DCHS2: variants seen among roughly 807,000 people sequenced by gnomAD.
DCHS2 encodes the protein protocadherin-23.
A neutral mutation model predicts 182.4 loss-of-function variants in DCHS2; 142 were observed. That is an observed-to-expected ratio of 0.78 (90% CI 0.68 to 0.89). DCHS2 has a LOEUF of 0.89. Among genes scored for constraint, DCHS2 ranks in the 40% least tolerant of loss-of-function variants. DCHS2 has a pLI of 0.00. For missense variants in DCHS2, 4,319 were observed against 4,198.6 expected, an observed-to-expected ratio of 1.03 and a Z score of -0.79; for synonymous variants, 1,740 against 1,663.3, an observed-to-expected ratio of 1.05 and a Z score of -1.12.
At chr4:154,433,724 T>G (rs980566556) in intron 1 of DCHS2, among the ~76,000 whole-genome samples, 69 of 152,254 alleles carry the variant, frequency 4.5e-4, no homozygotes, top group African/African-American at 1.6e-3. Context: ...ACTCAGTTTG[T>G]GATAATTTGT....
intron 1 of DCHS2, among the ~76,000 whole-genome samples, chr4:154,442,925 T>C (rs571359625): frequency 4.2e-4 from 64 of 152,112 alleles, no homozygotes; most frequent in African/African-American, 1.3e-3. Flanking sequence ...CTCCCAGTCC[T>C]CCTCAGACAC....
intron 3 of DCHS2, among the ~76,000 whole-genome samples, chr4:154,365,463 A>C (rs1174855891): frequency 6.6e-6 from 1 of 151,962 alleles, no homozygotes. Context: ...AGATATTATC[A>C]GTGTTACTTT....
In DCHS2 at chr4:154,462,569, A is replaced by G. The variant is rs1300075716; in HGVS notation, c.2052+26735T>C. Among the ~76,000 whole-genome samples, 6 of 152,194 alleles carry G rather than the reference A, an allele frequency of 3.9e-5. No individual in the cohort carries two copies. In the South Asian group the frequency reaches 1.2e-3, roughly 32 times the overall value. ...AGTTGGAAATGGTTAAATTTCCCAT[A>G]CAAGGTCTTACAGCTATTAAGTGAT... On this transcript the variant is annotated intron_variant, in intron 1 of 19. Transcript: ENST00000357232.
At chr4:154,252,003 A>AGTAGT (rs1365018284) in intron 16 of DCHS2, among the ~76,000 whole-genome samples, 291 of 152,332 alleles carry the variant, frequency 1.9e-3, no homozygotes, top group Middle Eastern at 3.4e-3. Context: ...ATGAAAACTA[A>AGTAGT]AAATTATTTA....
chr4:154,413,421 A>C (rs1732709090), intron 1 of DCHS2, among the ~76,000 whole-genome samples: 1 of 152,214 alleles, frequency 6.6e-6, no homozygotes. Flanking sequence ...CACCTTAAAT[A>C]AACTGTCAGC....
intron 1 of DCHS2, among the ~76,000 whole-genome samples, chr4:154,422,523 T>C (rs1230913910): frequency 6.6e-6 from 1 of 152,176 alleles, no homozygotes; most frequent in Non-Finnish European, 1.5e-5. Context: ...TACATTAATC[T>C]CCAAAGGTCT....
chr4:154,340,033 G>GA (rs1487723089), intron 3 of DCHS2, among the ~76,000 whole-genome samples: 2 of 151,996 alleles, frequency 1.3e-5, no homozygotes, highest in African/African-American at 2.4e-5. Context: ...CTTTGTAAAT[G>GA]AAAAAATATA....
intron 13 of DCHS2, among the ~76,000 whole-genome samples, chr4:154,296,522 A>G (rs191057990): frequency 6.6e-6 from 1 of 152,352 alleles, no homozygotes; most frequent in Non-Finnish European, 1.5e-5. Context: ...TGATTTGAAA[A>G]TAGAAACTAT....
chr4:154,237,027 A>T lies in DCHS2; in HGVS notation c.7625T>A (p.Met2542Lys). ...TGTGAATTCAGGGGCATAATTGTTCATATCTTCTATTCCTATCTCCACTAA... is the reference window on the plus strand; with the variant it reads ...TGTGAATTCAGGGGCATAATTGTTCTTATCTTCTATTCCTATCTCCACTAA... Reference protein sequence around the residue: ...LTLVEIGIEDMNNYAPEFTVK... With the variant: ...LTLVEIGIEDKNNYAPEFTVK... Residue 2542 changes from methionine to lysine, a missense_variant, in exon 20 of 20, where the codon ATG becomes AAG. Physicochemically the swap from Met to Lys is moderately conservative, Grantham distance 95. Transcript: ENST00000357232. The T allele has an allele frequency of 6.2e-7, 1 of 1,614,032 alleles. No individual in the cohort carries two copies. Among genetic ancestry groups the T allele is most frequent in the Non-Finnish European group, 8.5e-7 (1 of 1,179,928 alleles).
intron 13 of DCHS2, among the ~76,000 whole-genome samples, chr4:154,281,230 A>T (rs1354012748): frequency 2.0e-5 from 3 of 152,188 alleles, no homozygotes; most frequent in Non-Finnish European, 4.4e-5. Flanking sequence ...ATGCAAACTA[A>T]AAAGAAAAAC....
chr4:154,472,317 C>T (rs1735505314), intron 1 of DCHS2, among the ~76,000 whole-genome samples: 1 of 152,132 alleles, frequency 6.6e-6, no homozygotes, highest in African/African-American at 2.4e-5. Context: ...CCAATTGTTT[C>T]TTTTTAAATC....
chr4:154,236,842 A>G lies in DCHS2; in HGVS notation c.7810T>C (p.Phe2604Leu). 1 of 1,614,070 alleles carries G rather than the reference A, an allele frequency of 6.2e-7. No individual in the cohort carries two copies. Among genetic ancestry groups the G allele is most frequent in the Non-Finnish European group, 8.5e-7 (1 of 1,179,970 alleles). ...SQNNFHVETK[F>L]FHSEYPYKQV... ...TTATAAGGATATTCTGAATGAAAGA[A>G]CTTAGTTTCCACATGAAAATTGTTC... Residue 2604 changes from phenylalanine to leucine, a missense_variant, in exon 20 of 20, where the codon TTC (phenylalanine) becomes CTC (leucine). Physicochemically the swap from Phe to Leu is conservative, Grantham distance 22. Coordinates refer to ENST00000357232, the MANE Select transcript of DCHS2 (RefSeq NM_001358235.2).
At chr4:154,341,080 C>T (rs1729042760) in intron 3 of DCHS2, among the ~76,000 whole-genome samples, 1 of 152,154 alleles carries the variant, frequency 6.6e-6, no homozygotes, top group Middle Eastern at 3.4e-3. Flanking sequence ...TTTGAAAAAA[C>T]GTTTTCGCCC....
chr4:154,491,725 C>A lies in DCHS2; in HGVS notation c.-370G>T. 1 of 1,051,482 alleles carries A rather than the reference C, an allele frequency of 9.5e-7. No individual in the cohort carries two copies. Among genetic ancestry groups the A allele is most frequent in the Non-Finnish European group, 1.1e-6 (1 of 874,596 alleles). The allele number at this position is 1,051,482 out of a possible 1,614,324, so 65.1% of individuals were successfully genotyped here. On this transcript the variant is annotated 5_prime_UTR_variant, in exon 1 of 20. Coordinates refer to ENST00000357232, the MANE Select transcript of DCHS2 (RefSeq NM_001358235.2). ...AAGTCAGGTGCATTATTTCTTTTGCCAAAAAGGAGGAGATTATATGAAGCG... is the reference window on the plus strand; with the variant it reads ...AAGTCAGGTGCATTATTTCTTTTGCAAAAAAGGAGGAGATTATATGAAGCG...
At chr4:154,311,031 A>C (rs1052147747) in intron 10 of DCHS2, among the ~76,000 whole-genome samples, 1 of 142,322 alleles carries the variant, frequency 7.0e-6, no homozygotes, top group East Asian at 2.0e-4. Flanking sequence ...TAAAATATTT[A>C]CTATCTGGTC....
chr4:154,377,063 A>T (rs1730935399), intron 2 of DCHS2, among the ~76,000 whole-genome samples, 190 bp downstream of exon 2: 1 of 152,096 alleles, frequency 6.6e-6, no homozygotes, highest in Non-Finnish European at 1.5e-5. Flanking sequence ...ATTTTTAGAG[A>T]TATTCTTGAA....
chr4:154,483,578 C>G (rs1736002656), intron 1 of DCHS2, among the ~76,000 whole-genome samples: 2 of 152,088 alleles, frequency 1.3e-5, no homozygotes, highest in African/African-American at 2.4e-5. Context: ...TGGGGACTGA[C>G]CAGATGGTCC....
chr4:154,390,558 C>T (rs1032753355), intron 1 of DCHS2, among the ~76,000 whole-genome samples: 29 of 151,864 alleles, frequency 1.9e-4, no homozygotes, highest in Non-Finnish European at 1.5e-5. Context: ...CCAAATACAC[C>T]TACATCATCT....
In DCHS2 at chr4:154,388,543, G is replaced by A. The variant is rs181835051; in HGVS notation, c.2053-11099C>T. ...GGAGTCTCCCTCTGTCGCCCAGGCT[G>A]CAGTGCAGTGGTGCGATCTCGGCTG... is the stretch of plus-strand genomic sequence containing the variant. On this transcript the variant is annotated intron_variant, in intron 1 of 19. Coordinates refer to ENST00000357232, the MANE Select transcript of DCHS2 (RefSeq NM_001358235.2). Among the ~76,000 whole-genome samples, 455 of 142,394 alleles carry A rather than the reference G, an allele frequency of 3.2e-3. 2 individuals carry two copies. The highest frequency in any genetic ancestry group is 4.2e-3 in the Non-Finnish European group (281 of 66,626). The allele number at this position is 142,394 out of a possible 152,430, so 93.4% of individuals were successfully genotyped here.
Sources: allele counts gnomAD v4.1 joint callset (sites outside exome capture counted in the v4.1 genomes callset), GRCh38; gene constraint gnomAD v4.1.1; transcripts MANE v1.5; gene names NCBI Gene and HGNC (gene_info 2026-07-23, HGNC 2026-07-21).